The following CCDC9 variants were observed in gnomAD, a reference collection of about 807,000 sequenced individuals.
CCDC9 encodes the protein coiled-coil domain containing 9.
Under a neutral mutation model 65.6 loss-of-function variants are expected in CCDC9, and 52 were observed. The observed-to-expected ratio is 0.79, with a 90% CI of 0.63 to 1.00. The LOEUF is 1.00. Ranked by LOEUF, CCDC9 falls within the 50% of genes least tolerant of loss-of-function variation. CCDC9 has a pLI of 0.00. For missense variants in CCDC9, 834 were observed against 757.2 expected (o/e 1.10, Z -1.19); for synonymous variants, 332 against 280.3 (o/e 1.18, Z -1.84).
intron 5 of CCDC9, among the ~76,000 whole-genome samples, chr19:47,261,780 G>T (rs897189742): frequency 6.6e-6 from 1 of 151,532 alleles, no homozygotes; most frequent in East Asian, 1.9e-4. Context: ...CAGCACTTTG[G>T]GAGGCTGAGG....
chr19:47,270,303 C>A, intron 8 of CCDC9, 104 bp from the exon 9 acceptor site: 2 of 1,106,244 alleles, frequency 1.8e-6, no homozygotes, highest in Non-Finnish European at 2.7e-6. Context: ...TCTGGTTGAC[C>A]GTCTGTCTCT....
chr19:47,261,492 G>A (rs2059045396), intron 5 of CCDC9, among the ~76,000 whole-genome samples: 1 of 152,022 alleles, frequency 6.6e-6, no homozygotes, highest in South Asian at 2.1e-4. Context: ...GAGCTACCTG[G>A]CCTTGGGCAG....
At chr19:47,258,239 G>T in intron 1 of CCDC9, 91 bp from the exon 2 acceptor site, 1 of 700,388 alleles carries the variant, frequency 1.4e-6, no homozygotes, top group South Asian at 1.8e-5. Context: ...AGGGTTTTTT[G>T]TGTATGGCTG....
At position 47,271,765 on chromosome 19, in the gene CCDC9, G is replaced by T. The variant is rs1316428472; in HGVS notation, c.*87G>T. The T allele has an allele frequency of 3.5e-5, 52 of 1,472,832 alleles. 1 individual carries two copies. The East Asian group carries it at 1.1e-3, about 32-fold the overall frequency. The allele number at this position is 1,472,832 out of a possible 1,614,324, so 91.2% of individuals were successfully genotyped here. On this transcript the variant is annotated 3_prime_UTR_variant, in exon 12 of 12. Coordinates refer to ENST00000221922, the MANE Select transcript of CCDC9 (RefSeq NM_015603.3). ...CGCGCGCGCGCGCGCGCGCGCTAGA[G>T]GGGTGTGGCTGGTGGGGGACCCTTG...
intron 3 of CCDC9, 73 bp from the exon 4 acceptor site, chr19:47,260,248 A>T: frequency 9.4e-7 from 1 of 1,065,452 alleles, no homozygotes; most frequent in Non-Finnish European, 1.4e-6. Flanking sequence ...ACTTAGGAGG[A>T]GTTCAGGGGT....
chr19:47,265,484 C>T lies in CCDC9; in HGVS notation c.720+538C>T, dbSNP rs573226139. Among the ~76,000 whole-genome samples, 54 of 152,222 alleles carry T rather than the reference C, an allele frequency of 3.5e-4. No homozygotes were observed. In the South Asian group the frequency reaches 5.2e-3, roughly 15 times the overall value. On this transcript the variant is annotated intron_variant, in intron 7 of 11. Transcript: ENST00000221922. ...CAGGTGCTGTGTGAGGGGTGGGGAC[C>T]TGGCCTAGAAGAGGAGGCAGGGGCA...
chr19:47,258,286 T>A (rs2302985), intron 1 of CCDC9, 44 bp from the exon 2 acceptor site: 1 of 1,072,174 alleles, frequency 9.3e-7, no homozygotes, highest in Non-Finnish European at 1.4e-6. Context: ...TGAAGTAGGT[T>A]GGGGGGCCAT....
At chr19:47,258,800 C>T (rs932658463) in intron 3 of CCDC9, 137 bp downstream of exon 3, 16 of 650,980 alleles carry the variant, frequency 2.5e-5, no homozygotes, top group Admixed American at 2.8e-5. Context: ...AGCCTGACAT[C>T]CCTTCTTTCA....
intron 7 of CCDC9, among the ~76,000 whole-genome samples, chr19:47,265,409 C>G (rs2059075116): frequency 6.6e-6 from 1 of 152,014 alleles, no homozygotes; most frequent in Non-Finnish European, 1.5e-5. Context: ...CAAGGTAAAT[C>G]TCCCCTCATT....
intron 3 of CCDC9, among the ~76,000 whole-genome samples, chr19:47,258,906 T>C (rs929228697): frequency 4.4e-4 from 67 of 152,348 alleles, no homozygotes; most frequent in African/African-American, 1.5e-3. Flanking sequence ...TAGCTGTGAC[T>C]GAGACAGACC....
downstream of CCDC9, chr19:47,273,859 G>A (rs1312707529): frequency 9.1e-6 from 4 of 440,206 alleles, no homozygotes; most frequent in Non-Finnish European, 1.2e-5. Context: ...TTTCTGGAGG[G>A]GGCAGGCTGG....
intron 3 of CCDC9, 86 bp from the exon 4 acceptor site, chr19:47,260,235 C>T: frequency 1.0e-6 from 1 of 962,844 alleles, no homozygotes. Flanking sequence ...GGGCTGGGGC[C>T]AGACTTAGGA....
chr19:47,273,957 C>A (rs570691600), downstream of CCDC9: 15 of 984,344 alleles, frequency 1.5e-5, no homozygotes, highest in African/African-American at 2.4e-4. Flanking sequence ...TCCCTCCCCC[C>A]TCCCGCAGGC....
At chr19:47,273,509 G>T, downstream of CCDC9, 1 of 552,020 alleles carries the variant, frequency 1.8e-6, no homozygotes, top group Non-Finnish European at 2.7e-6. Flanking sequence ...ACCTCCCACC[G>T]CCTCGCTCCT....
At position 47,267,489 on chromosome 19, in the gene CCDC9, C is replaced by T. The variant is rs75019208; in HGVS notation, c.902+697C>T. Among the ~76,000 whole-genome samples the T allele has an allele frequency of 6.6e-3, 1,005 of 152,250 alleles. 7 individuals carry two copies. Among genetic ancestry groups the T allele is most frequent in the Middle Eastern group, 0.044 (13 of 294 alleles). The stretch of plus-strand genomic sequence containing the variant: ...AGGCTGGACGCTAAGCTGTGGGTCC[C>T]GCTGGGCTTGGCTTCTTGCAGCAGG... On this transcript the variant is annotated intron_variant, in intron 8 of 11. Coordinates refer to ENST00000221922, the MANE Select transcript of CCDC9 (RefSeq NM_015603.3).
chr19:47,260,603 C>A lies in CCDC9; in HGVS notation c.226C>A (p.Pro76Thr). 1 of 1,528,722 alleles carries A rather than the reference C, an allele frequency of 6.5e-7. No homozygotes were observed. The highest frequency in any genetic ancestry group is 8.7e-7 in the Non-Finnish European group (1 of 1,146,688). The allele number at this position is 1,528,722 out of a possible 1,614,324, so 94.7% of individuals were successfully genotyped here. A position where few individuals can be genotyped will look rare whatever the true frequency, so the allele number is the denominator to read the frequency against. ...CCTCTTCCAGGAGAAGAACCTGGGTCCTTCCCGGAGGTCTCCTGGGACCCC... is the reference window on the plus strand; with the variant it reads ...CCTCTTCCAGGAGAAGAACCTGGGTACTTCCCGGAGGTCTCCTGGGACCCC... ...VAVESEKNLG[P>T]SRRSPGTPRP... Residue 76 changes from proline (P) to threonine (T), a missense_variant, in exon 5 of 12, where the codon CCT (proline) becomes ACT (threonine). Transcript: ENST00000221922.
downstream of CCDC9, chr19:47,275,438 TCTTC>T: frequency 7.0e-7 from 1 of 1,437,560 alleles, no homozygotes; most frequent in Non-Finnish European, 9.2e-7. Context: ...GGTCCGGCCT[TCTTC>T]CTAATGACAT....
chr19:47,274,673 A>G, downstream of CCDC9: 1 of 176,850 alleles, frequency 5.7e-6, no homozygotes, highest in Non-Finnish European at 9.1e-6. Context: ...GGTGGGGCTA[A>G]GCGCGGGGGC....
At position 47,271,730 on chromosome 19, in the gene CCDC9, TGTGC is replaced by T. The variant is rs1162411624; in HGVS notation, c.*54_*57del. The T allele has an allele frequency of 3.9e-4, 259 of 672,200 alleles. No individual in the cohort carries two copies. Among genetic ancestry groups the T allele is most frequent in the African/African-American group, 1.3e-3 (23 of 17,154 alleles). 41.6% of individuals were successfully genotyped at this position (672,200 alleles called of 1,614,324 possible). Reference sequence around the variant, plus strand: ...GTGTGTGTGTGTGTGTGTGTGTGTGTGTGCGCGCGCGCGCGCGCGCGCGCGCGCG... The same window carrying T: ...GTGTGTGTGTGTGTGTGTGTGTGTGTGCGCGCGCGCGCGCGCGCGCGCGCG... On this transcript the variant is annotated 3_prime_UTR_variant, in exon 12 of 12. Transcript: ENST00000221922.
Sources: gnomAD v4.1 joint callset for allele counts (sites outside exome capture counted in the v4.1 genomes callset) on GRCh38, gnomAD v4.1.1 for gene constraint, MANE v1.5 for transcripts, NCBI Gene and HGNC (gene_info 2026-07-23, HGNC 2026-07-21) for gene names.